The following BMPR1B variants were observed in gnomAD, a reference collection of about 807,000 sequenced individuals.
BMPR1B encodes the protein bone morphogenetic protein receptor type 1B.
Under a neutral mutation model 59.1 loss-of-function variants are expected in BMPR1B, and 12 were observed. That is an observed-to-expected ratio of 0.20 (90% CI 0.13 to 0.33). BMPR1B has a LOEUF of 0.33. Among genes scored for constraint, BMPR1B ranks in the 10% least tolerant of loss-of-function variants. BMPR1B has a pLI of 1.00. For synonymous variants in BMPR1B, 237 were observed against 207.3 expected (o/e 1.14, Z -1.23); for missense variants, 550 against 610.9 (o/e 0.90, Z 1.05).
intron 2 of BMPR1B, among the ~76,000 whole-genome samples, chr4:94,899,659 C>T (rs908269659): frequency 6.6e-6 from 1 of 151,664 alleles, no homozygotes; most frequent in African/African-American, 2.4e-5. Flanking sequence ...GCAAAAGAAG[C>T]GTTGATGTTT....
intron 3 of BMPR1B, among the ~76,000 whole-genome samples, chr4:95,069,701 T>C (rs542857188): frequency 1.8e-4 from 27 of 152,354 alleles, no homozygotes; most frequent in African/African-American, 6.3e-4. Context: ...TGGAATCGTG[T>C]CTGTTTCTTT....
At chr4:95,013,675 T>G (rs771032667) in intron 3 of BMPR1B, among the ~76,000 whole-genome samples, 5 of 152,166 alleles carry the variant, frequency 3.3e-5, no homozygotes, top group Non-Finnish European at 4.4e-5. Flanking sequence ...GGTAAAGAAG[T>G]GATGAATTAG....
chr4:94,866,739 A>AT (rs1192493969), intron 1 of BMPR1B, among the ~76,000 whole-genome samples: 1 of 152,028 alleles, frequency 6.6e-6, no homozygotes, highest in East Asian at 1.9e-4. Context: ...ATGCGCCACC[A>AT]TGCCTGGCTA....
intron 3 of BMPR1B, among the ~76,000 whole-genome samples, chr4:95,048,097 C>T (rs1726176761): frequency 6.6e-6 from 1 of 152,114 alleles, no homozygotes; most frequent in Admixed American, 6.5e-5. Context: ...GGATAATGCC[C>T]TCCAGCTGCA....
At chr4:94,944,018 A>G (rs994548793) in intron 2 of BMPR1B, among the ~76,000 whole-genome samples, 2 of 152,202 alleles carry the variant, frequency 1.3e-5, no homozygotes, top group Non-Finnish European at 2.9e-5. Context: ...AATTTCACAC[A>G]TAAGTACTTA....
rs140514696 is a variant in BMPR1B at position 94,890,272 on chromosome 4, A to G, written c.-113+14372A>G. On this transcript the variant is annotated intron_variant, in intron 2 of 12. Coordinates refer to ENST00000515059, the MANE Select transcript of BMPR1B (RefSeq NM_001203.3). ...TGCTGAAAGAGGTTTTGTGTAGGGG[A>G]ATGTCTGCATGTCTGCACTTATTGC... Among the ~76,000 whole-genome samples the G allele has an allele frequency of 4.5e-3, 690 of 152,116 alleles. 8 individuals carry two copies. Among genetic ancestry groups the G allele is most frequent in the African/African-American group, 0.016 (662 of 41,528 alleles).
chr4:94,786,288 G>A (rs1292291705), intron 1 of BMPR1B, among the ~76,000 whole-genome samples: 1 of 152,056 alleles, frequency 6.6e-6, no homozygotes, highest in Non-Finnish European at 1.5e-5. Flanking sequence ...AGCTTCTTTG[G>A]CATGTTATTG....
At chr4:94,998,264 T>C (rs1026698134) in intron 3 of BMPR1B, among the ~76,000 whole-genome samples, 1 of 152,164 alleles carries the variant, frequency 6.6e-6, no homozygotes, top group Non-Finnish European at 1.5e-5. Context: ...TAAGTATCTA[T>C]TGAAGCAATG....
At chr4:95,136,465 G>A (rs1208121442) in intron 10 of BMPR1B, among the ~76,000 whole-genome samples, 3 of 152,108 alleles carry the variant, frequency 2.0e-5, no homozygotes, top group South Asian at 4.1e-4. Context: ...CTGTTGATTG[G>A]AATAGTTTCA....
intron 2 of BMPR1B, among the ~76,000 whole-genome samples, chr4:94,978,837 A>G (rs184393828): frequency 3.9e-5 from 6 of 152,158 alleles, no homozygotes; most frequent in Admixed American, 3.9e-4. Context: ...AAGAGGTTTA[A>G]TGAACTCACG....
At chr4:95,143,365 A>G (rs1353877485) in intron 10 of BMPR1B, among the ~76,000 whole-genome samples, 1 of 152,054 alleles carries the variant, frequency 6.6e-6, no homozygotes, top group Non-Finnish European at 1.5e-5. Context: ...GGCTCCCATC[A>G]CCCCCTCCTT....
At chr4:94,962,282 C>T (rs578014352) in intron 2 of BMPR1B, among the ~76,000 whole-genome samples, 6 of 151,976 alleles carry the variant, frequency 3.9e-5, no homozygotes, top group East Asian at 3.9e-4. Flanking sequence ...GGACTACAGG[C>T]GTGTGCCACC....
At chr4:94,830,228 AC>A (rs1346428621) in intron 1 of BMPR1B, among the ~76,000 whole-genome samples, 1 of 152,160 alleles carries the variant, frequency 6.6e-6, no homozygotes, top group Non-Finnish European at 1.5e-5. Flanking sequence ...TTTAGAAAAA[AC>A]ATTAGAAATG....
intron 3 of BMPR1B, among the ~76,000 whole-genome samples, chr4:95,061,163 ACACACAC>A (rs1727338233): frequency 2.4e-4 from 2 of 8,270 alleles, no homozygotes; most frequent in African/African-American, 2.5e-3. Flanking sequence ...TAGAATAAAC[ACACACAC>A]ACACACACAC....
At chr4:94,841,559 G>A (rs141325618) in intron 1 of BMPR1B, among the ~76,000 whole-genome samples, 18,324 of 152,090 alleles carry the variant, frequency 0.12, 1,152 homozygotes, top group Non-Finnish European at 0.13. Context: ...CTTTGACTAG[G>A]AAAGGGAACT....
intron 6 of BMPR1B, among the ~76,000 whole-genome samples, chr4:95,122,207 C>T (rs973359090): frequency 4.6e-5 from 7 of 151,934 alleles, no homozygotes; most frequent in African/African-American, 1.5e-4. Flanking sequence ...CGTGGTGGCT[C>T]GTACCTGTGA....
At chr4:95,027,293 A>G (rs910530046) in intron 3 of BMPR1B, among the ~76,000 whole-genome samples, 13 of 152,208 alleles carry the variant, frequency 8.5e-5, no homozygotes, top group Non-Finnish European at 1.9e-4. Context: ...GTTAGAGGTC[A>G]AAGTACTGAT....
chr4:95,038,972 T>G (rs754182136), intron 3 of BMPR1B, among the ~76,000 whole-genome samples: 1 of 152,254 alleles, frequency 6.6e-6, no homozygotes, highest in South Asian at 2.1e-4. Flanking sequence ...TTGACTAAAT[T>G]TTTCACTTTT....
At chr4:94,918,555 A>C (rs1728573239) in intron 2 of BMPR1B, among the ~76,000 whole-genome samples, 1 of 152,072 alleles carries the variant, frequency 6.6e-6, no homozygotes, top group Non-Finnish European at 1.5e-5. Context: ...ACACGCCTGT[A>C]GTCCTAGCTA....
Sources: gnomAD v4.1 joint callset for allele counts (sites outside exome capture counted in the v4.1 genomes callset) on GRCh38, gnomAD v4.1.1 for gene constraint, MANE v1.5 for transcripts, NCBI Gene and HGNC (gene_info 2026-07-23, HGNC 2026-07-21) for gene names.